The following CCDC171 variants were observed in gnomAD, a reference collection of about 807,000 sequenced individuals.
The protein encoded by CCDC171 is coiled-coil domain-containing protein 171.
A neutral mutation model predicts 168.2 loss-of-function variants in CCDC171; 177 were observed. The observed-to-expected ratio is 1.05, with a 90% CI of 0.93 to 1.19. The LOEUF (loss-of-function observed/expected upper bound fraction) is 1.19, where lower values mean the gene tolerates loss of function less well. Among genes scored for constraint, CCDC171 ranks in the 50% most tolerant of loss-of-function variants. The pLI is 0.00. For synonymous variants in CCDC171, 687 were observed against 540.8 expected (o/e 1.27, Z -3.75); for missense variants, 1,991 against 1,539.0 (o/e 1.29, Z -4.91).
At chr9:15,641,969 G>C (rs1438927634) in intron 7 of CCDC171, among the ~76,000 whole-genome samples, 3 of 152,136 alleles carry the variant, frequency 2.0e-5, no homozygotes, top group South Asian at 2.1e-4. Context: ...TCCGAGATCA[G>C]CCTGGCCAAC....
intron 11 of CCDC171, among the ~76,000 whole-genome samples, chr9:15,698,612 T>A (rs1372070522): frequency 6.6e-6 from 1 of 152,172 alleles, no homozygotes; most frequent in Non-Finnish European, 1.5e-5. Flanking sequence ...TTTATTTACG[T>A]TGCTACAAAT....
chr9:15,903,495 C>G (rs1446038291), intron 24 of CCDC171, among the ~76,000 whole-genome samples: 1 of 149,124 alleles, frequency 6.7e-6, no homozygotes, highest in Non-Finnish European at 1.5e-5. Flanking sequence ...GGAAAACTAA[C>G]AGAAAGGACA....
intron 6 of CCDC171, 112 bp downstream of exon 6, chr9:15,594,284 G>A (rs1481119428): frequency 5.7e-5 from 36 of 634,326 alleles, no homozygotes; most frequent in Non-Finnish European, 8.3e-5. Flanking sequence ...TTCTAGTTTT[G>A]ATTCTGGAAG....
chr9:15,840,263 A>G (rs759208295), intron 21 of CCDC171, among the ~76,000 whole-genome samples: 21 of 152,236 alleles, frequency 1.4e-4, no homozygotes, highest in Middle Eastern at 3.4e-3. Context: ...ACATTTTTTC[A>G]AATTCTTTTC....
At chr9:15,827,272 G>C (rs67082053) in intron 21 of CCDC171, among the ~76,000 whole-genome samples, 66,892 of 151,634 alleles carry the variant, frequency 0.44, 14,896 homozygotes, top group African/African-American at 0.47. Context: ...GTGTGTGGAA[G>C]GGGGGACATG....
intron 6 of CCDC171, among the ~76,000 whole-genome samples, chr9:15,606,029 G>A (rs1587359832): frequency 2.0e-5 from 3 of 152,162 alleles, no homozygotes; most frequent in East Asian, 1.9e-4. Context: ...CTATGATAAC[G>A]TTTAATTTAT....
chr9:15,567,230 C>T (rs1286375118), intron 2 of CCDC171, among the ~76,000 whole-genome samples: 2 of 152,136 alleles, frequency 1.3e-5, no homozygotes, highest in East Asian at 3.8e-4. Flanking sequence ...CAATCTTGGG[C>T]AGGCTGGTCT....
chr9:16,050,541 A>G (rs1422684590), intron 1 of CCDC171, among the ~76,000 whole-genome samples: 1 of 152,178 alleles, frequency 6.6e-6, no homozygotes, highest in African/African-American at 2.4e-5. Flanking sequence ...AGTTTGCCAT[A>G]CTGTTTTTCA....
intron 4 of CCDC171, among the ~76,000 whole-genome samples, chr9:15,584,138 A>T (rs972462198): frequency 6.6e-6 from 1 of 152,214 alleles, no homozygotes; most frequent in African/African-American, 2.4e-5. Flanking sequence ...AAGTGCTGGG[A>T]TTACAGGCGT....
intron 18 of CCDC171, among the ~76,000 whole-genome samples, chr9:15,753,740 T>A (rs902092017): frequency 1.3e-5 from 2 of 152,142 alleles, no homozygotes; most frequent in African/African-American, 4.8e-5. Flanking sequence ...AACTTTTTTT[T>A]AGGGTAAGTT....
chr9:15,582,984 C>A (rs2041253141), intron 4 of CCDC171, among the ~76,000 whole-genome samples: 1 of 150,912 alleles, frequency 6.6e-6, no homozygotes, highest in African/African-American at 2.4e-5. Context: ...AGCATTCCCA[C>A]TACTGGGTAT....
At chr9:15,631,722 G>C (rs1015477191) in intron 7 of CCDC171, among the ~76,000 whole-genome samples, 1 of 152,062 alleles carries the variant, frequency 6.6e-6, no homozygotes, top group African/African-American at 2.4e-5. Context: ...AACCAAAAAA[G>C]AGAATTTTAG....
At chr9:16,007,504 G>A (rs1465043045) in intron 3 of CCDC171, among the ~76,000 whole-genome samples, 2 of 152,152 alleles carry the variant, frequency 1.3e-5, no homozygotes, top group East Asian at 3.9e-4. Context: ...TGAAGTCCTT[G>A]CCCATGCCTA....
chr9:15,988,876 G>A (rs1430442104), intron 3 of CCDC171, among the ~76,000 whole-genome samples: 2 of 152,166 alleles, frequency 1.3e-5, no homozygotes, highest in Non-Finnish European at 2.9e-5. Context: ...CAGCAGGGCT[G>A]GGGGAGGGGT....
At chr9:15,858,837 C>G (rs1437047716) in intron 23 of CCDC171, among the ~76,000 whole-genome samples, 1 of 152,010 alleles carries the variant, frequency 6.6e-6, no homozygotes, top group Non-Finnish European at 1.5e-5. Context: ...TAATCAGGGA[C>G]AGTTTTACTT....
chr9:15,702,655 C>G (rs563132607), intron 11 of CCDC171, among the ~76,000 whole-genome samples: 2 of 152,266 alleles, frequency 1.3e-5, no homozygotes, highest in Non-Finnish European at 2.9e-5. Context: ...CAACAAAAGA[C>G]TGTTTAGTCT....
At position 16,054,449 on chromosome 9, in the gene CCDC171, G is replaced by C. The variant is rs1056541063; in HGVS notation, n.90-6197G>C. ...AGGACTCGTAGGAGGGCACCAGCTA[G>C]ATGGGGAGGGAGATTTCAGGCATAG... On this transcript the variant is annotated intron_variant and non_coding_transcript_variant, in intron 1 of 1. Coordinates refer to the CCDC171 transcript ENST00000478913. 3.9e-5 allele frequency among the ~76,000 whole-genome samples: 6 copies of C among 152,242 alleles called. 1 individual carries two copies. The Middle Eastern group carries it at 0.01, about 259-fold the overall frequency.
chr9:15,993,824 C>T (rs1832284715), intron 3 of CCDC171, among the ~76,000 whole-genome samples: 1 of 152,154 alleles, frequency 6.6e-6, no homozygotes, highest in Non-Finnish European at 1.5e-5. Context: ...ATGCAGCCAA[C>T]AGACGCATGA....
chr9:15,943,978 T>G (rs886930522), intron 25 of CCDC171, among the ~76,000 whole-genome samples: 10 of 152,020 alleles, frequency 6.6e-5, no homozygotes, highest in Non-Finnish European at 1.2e-4. Context: ...CAGGGAGAAC[T>G]ATGTGAACCG....
Sources: gnomAD v4.1 joint callset for allele counts (sites outside exome capture counted in the v4.1 genomes callset) on GRCh38, gnomAD v4.1.1 for gene constraint, MANE v1.5 for transcripts, NCBI Gene and HGNC (gene_info 2026-07-23, HGNC 2026-07-21) for gene names.